ZNF385B: variants seen among roughly 807,000 people sequenced by gnomAD.
ZNF385B encodes the protein zinc finger protein 533.
ZNF385B carries 23 observed loss-of-function variants against 39.2 expected under a neutral mutation model. The observed-to-expected ratio is 0.59, with a 90% confidence interval of 0.42 to 0.83. The LOEUF is 0.83. Ranked by LOEUF, ZNF385B falls within the 40% of genes least tolerant of loss-of-function variation. The pLI is 0.00. For synonymous variants in ZNF385B, 205 were observed against 222.6 expected (o/e 0.92, Z 0.70); for missense variants, 552 against 598.9 (o/e 0.92, Z 0.82).
At chr2:179,693,377 A>T (rs1218189213) in intron 3 of ZNF385B, among the ~76,000 whole-genome samples, 1 of 152,204 alleles carries the variant, frequency 6.6e-6, no homozygotes, top group Non-Finnish European at 1.5e-5. Context: ...CCATGTCTCA[A>T]TATCTGTAAC....
intron 1 of ZNF385B, among the ~76,000 whole-genome samples, chr2:179,786,494 C>G (rs1267754370): frequency 6.6e-6 from 1 of 151,834 alleles, no homozygotes; most frequent in Non-Finnish European, 1.5e-5. Flanking sequence ...ATAATTTAGC[C>G]AAACTGAGGT....
chr2:179,704,736 T>A (rs551384285), intron 3 of ZNF385B, among the ~76,000 whole-genome samples: 1 of 152,380 alleles, frequency 6.6e-6, no homozygotes, highest in African/African-American at 2.4e-5. Flanking sequence ...CACCAGGATC[T>A]GTTGTCAATG....
chr2:179,448,401 A>G (rs1053883791), intron 6 of ZNF385B, among the ~76,000 whole-genome samples: 1 of 152,096 alleles, frequency 6.6e-6, no homozygotes, highest in African/African-American at 2.4e-5. Context: ...CTTGCGATGA[A>G]AATTAAAGTT....
intron 3 of ZNF385B, among the ~76,000 whole-genome samples, chr2:179,654,774 T>C (rs1172319537): frequency 1.3e-5 from 2 of 152,170 alleles, no homozygotes; most frequent in South Asian, 2.1e-4. Context: ...GATTCTTTCA[T>C]TGAAATGGCA....
At chr2:179,609,667 T>C (rs776976240) in intron 3 of ZNF385B, among the ~76,000 whole-genome samples, 2 of 152,238 alleles carry the variant, frequency 1.3e-5, no homozygotes, top group Non-Finnish European at 2.9e-5. Context: ...TCCTCCATAG[T>C]AGCTGTACTA....
At chr2:179,804,214 G>A (rs1306259998) in intron 1 of ZNF385B, among the ~76,000 whole-genome samples, 1 of 152,146 alleles carries the variant, frequency 6.6e-6, no homozygotes, top group Non-Finnish European at 1.5e-5. Flanking sequence ...ACCACCTTCA[G>A]CATTACCAGA....
intron 6 of ZNF385B, among the ~76,000 whole-genome samples, chr2:179,471,914 C>T (rs1435853469): frequency 1.5e-4 from 23 of 152,150 alleles, no homozygotes; most frequent in Admixed American, 9.2e-4. Flanking sequence ...CTTTTATTTA[C>T]TTTAAAGCTG....
At chr2:179,803,772 T>TAA (rs61008177) in intron 1 of ZNF385B, among the ~76,000 whole-genome samples, 1 of 147,464 alleles carries the variant, frequency 6.8e-6, no homozygotes, top group African/African-American at 2.5e-5. Flanking sequence ...GCCCCTTTCT[T>TAA]AAAAAAAAAA....
chr2:179,681,797 G>A (rs183904642), intron 3 of ZNF385B, among the ~76,000 whole-genome samples: 7 of 152,266 alleles, frequency 4.6e-5, no homozygotes, highest in African/African-American at 1.4e-4. Flanking sequence ...AGTATGCAGT[G>A]GCACAAACTT....
intron 3 of ZNF385B, among the ~76,000 whole-genome samples, chr2:179,733,942 C>A (rs1313121320): frequency 1.3e-5 from 2 of 152,124 alleles, no homozygotes; most frequent in African/African-American, 2.4e-5. Flanking sequence ...CTGATCCCCT[C>A]CTCCTTCCCC....
At position 179,792,370 on chromosome 2, in the gene ZNF385B, C is replaced by CTTTTTTTTTTTTTTTTTT. The variant is rs1346808450; in HGVS notation, c.-154-21699_-154-21698insAAAAAAAAAAAAAAAAAA. On this transcript the variant is annotated intron_variant, in intron 1 of 9. Coordinates refer to ENST00000410066, the MANE Select transcript of ZNF385B (RefSeq NM_152520.6). ...CTGAAGAAGTAGGCCATTTCATTTTCTTTTCTTTTTTTTTTTTTTTTGAGA... is the reference window on the plus strand; with the variant it reads ...CTGAAGAAGTAGGCCATTTCATTTTCTTTTTTTTTTTTTTTTTTTTTTCTTTTTTTTTTTTTTTTGAGA... 1.4e-4 allele frequency among the ~76,000 whole-genome samples: 10 copies of CTTTTTTTTTTTTTTTTTT among 70,674 alleles called. 1 individual carries two copies. Among genetic ancestry groups the CTTTTTTTTTTTTTTTTTT allele is most frequent in the Admixed American group, 2.0e-4 (1 of 4,970 alleles). 46.4% of individuals were successfully genotyped at this position (70,674 alleles called of 152,430 possible).
At chr2:179,725,941 T>A (rs946983400) in intron 3 of ZNF385B, among the ~76,000 whole-genome samples, 1 of 150,060 alleles carries the variant, frequency 6.7e-6, no homozygotes. Flanking sequence ...TATGTGTATA[T>A]ACAGAGAGAG....
At chr2:179,778,390 C>A (rs1704468969) in intron 1 of ZNF385B, among the ~76,000 whole-genome samples, 1 of 152,158 alleles carries the variant, frequency 6.6e-6, no homozygotes, top group South Asian at 2.1e-4. Flanking sequence ...CTAAGAGGGT[C>A]CAGGAAGCAC....
At chr2:179,512,375 ACTTT>A (rs1197045617) in intron 5 of ZNF385B, among the ~76,000 whole-genome samples, 1 of 152,174 alleles carries the variant, frequency 6.6e-6, no homozygotes, top group Non-Finnish European at 1.5e-5. Flanking sequence ...TGTAAGAATC[ACTTT>A]CTTTCATCCT....
chr2:179,735,047 A>C (rs368166341), intron 3 of ZNF385B, among the ~76,000 whole-genome samples: 175 of 152,076 alleles, frequency 1.2e-3, no homozygotes, highest in Middle Eastern at 6.8e-3. Context: ...TAATTAAACT[A>C]AAGAGCTTCT....
At chr2:179,681,502 C>A (rs919234729) in intron 3 of ZNF385B, among the ~76,000 whole-genome samples, 1 of 152,116 alleles carries the variant, frequency 6.6e-6, no homozygotes, top group African/African-American at 2.4e-5. Flanking sequence ...TATGGTTAGA[C>A]AAATGGATTG....
chr2:179,624,214 C>T (rs967778284), intron 3 of ZNF385B, among the ~76,000 whole-genome samples: 1 of 152,118 alleles, frequency 6.6e-6, no homozygotes, highest in East Asian at 1.9e-4. Context: ...TCCACTTCCC[C>T]AAGTCCAACA....
intron 5 of ZNF385B, among the ~76,000 whole-genome samples, chr2:179,505,860 A>G (rs185632229): frequency 7.6e-4 from 116 of 152,296 alleles, no homozygotes; most frequent in Non-Finnish European, 1.4e-3. Flanking sequence ...TCTACTTTTT[A>G]TCATCATAAC....
At chr2:179,836,185 C>T (rs1708236278) in intron 1 of ZNF385B, among the ~76,000 whole-genome samples, 1 of 152,200 alleles carries the variant, frequency 6.6e-6, no homozygotes, top group Admixed American at 6.5e-5. Context: ...ATACTCACCA[C>T]ATTACACAGT....
Sources: gnomAD v4.1 joint callset for allele counts (sites outside exome capture counted in the v4.1 genomes callset) on GRCh38, gnomAD v4.1.1 for gene constraint, MANE v1.5 for transcripts, NCBI Gene and HGNC (gene_info 2026-07-23, HGNC 2026-07-21) for gene names.